Variants in SPAG6 observed in about 807,000 individuals in gnomAD.
SPAG6 encodes the protein sperm-associated antigen 6.
SPAG6 carries 49 observed loss-of-function variants against 58.5 expected under a neutral mutation model. The ratio of observed to expected loss-of-function variants is 0.84; its 90% CI spans 0.67 to 1.06. The LOEUF (loss-of-function observed/expected upper bound fraction) is 1.06. SPAG6 is among the 50% of genes least tolerant of loss of function. The pLI, the probability that SPAG6 is intolerant of heterozygous loss-of-function variation, is 0.00. For missense variants in SPAG6, 560 were observed against 611.3 expected, an observed-to-expected ratio of 0.92 and a Z score of 0.89; for synonymous variants, 233 against 225.6, an observed-to-expected ratio of 1.03 and a Z score of -0.29.
rs1214428561 is a variant in SPAG6, at chr10:22,391,867, G to A, written c.1144G>A (p.Val382Ile). The stretch of plus-strand genomic sequence containing the variant: ...TGTTGCAGTCACAAATACTTTGCCA[G>A]TTCTGCTTTCTTTGTACATGTCAAC... ...RAVAVTNTLP[V>I]LLSLYMSTES... Residue 382 changes from valine (V) to isoleucine (I), a missense_variant, in exon 8 of 11, where the codon GTT becomes ATT. Physicochemically the swap from Val to Ile is conservative, Grantham distance 29. Coordinates refer to ENST00000376624, the MANE Select transcript of SPAG6 (RefSeq NM_012443.4). 6.2e-7 allele frequency: 1 copy of A among 1,613,464 alleles called. No individual in the cohort carries two copies. Among genetic ancestry groups the A allele is most frequent in the African/African-American group, 1.3e-5 (1 of 74,986 alleles).
At chr10:22,391,322 T>C (rs1655695484) in intron 7 of SPAG6, among the ~76,000 whole-genome samples, 1 of 152,244 alleles carries the variant, frequency 6.6e-6, no homozygotes, top group Admixed American at 6.5e-5. Flanking sequence ...AGGTTTATTA[T>C]ATTTGGTGAA....
chr10:22,364,348 A>G (rs1837132426), intron 2 of SPAG6, among the ~76,000 whole-genome samples: 1 of 152,228 alleles, frequency 6.6e-6, no homozygotes, highest in Non-Finnish European at 1.5e-5. Context: ...TGTGGTGATG[A>G]TGATGATATA....
intron 8 of SPAG6, among the ~76,000 whole-genome samples, chr10:22,400,511 G>A (rs1834386960): frequency 6.6e-6 from 1 of 151,868 alleles, no homozygotes; most frequent in Non-Finnish European, 1.5e-5. Flanking sequence ...GAGTGCAGGA[G>A]GGGGTAGAAA....
rs748911844 is a variant in SPAG6, at chr10:22,411,174, G to T, written c.1458G>T (p.Val486=). The change falls in exon 10 of 11, where the codon GTG becomes GTT. Residue 486 remains valine, a splice_region_variant and synonymous_variant. Transcript: ENST00000376624. The stretch of plus-strand genomic sequence containing the variant: ...ACAGTTGTTACCCCGAGGAAATAGT[G>T]AGGTGGGGAAAATGGACTTTGAAAC... ...SINSCYPEEI[V]RYYSPGYSDT... is the part of the protein sequence containing the mutation. The T allele has an allele frequency of 3.7e-6, 6 of 1,603,686 alleles. No individual in the cohort carries two copies. The highest frequency in any genetic ancestry group is 1.3e-5 in the African/African-American group (1 of 74,414).
intron 3 of SPAG6, among the ~76,000 whole-genome samples, chr10:22,368,248 C>A (rs1195478526): frequency 6.6e-6 from 1 of 152,116 alleles, no homozygotes; most frequent in Non-Finnish European, 1.5e-5. Flanking sequence ...CAAATGCAGG[C>A]TTCAGGGTAA....
chr10:22,349,868 T>C (rs1836669420), intron 2 of SPAG6, among the ~76,000 whole-genome samples: 1 of 152,150 alleles, frequency 6.6e-6, no homozygotes, highest in South Asian at 2.1e-4. Context: ...AAAGTGATTT[T>C]AGATTACATG....
intron 4 of SPAG6, among the ~76,000 whole-genome samples, chr10:22,383,873 G>A (rs1325930426): frequency 6.6e-6 from 1 of 152,112 alleles, no homozygotes; most frequent in East Asian, 1.9e-4. Flanking sequence ...AGCCAAGTGT[G>A]CAGCACATAG....
intron 2 of SPAG6, chr10:22,346,172 A>G: frequency 8.7e-7 from 1 of 1,150,244 alleles, no homozygotes; most frequent in Non-Finnish European, 1.1e-6. Context: ...GCCTTTGATC[A>G]CCTTCGACTT....
In SPAG6 at chr10:22,346,482, T is replaced by TTCTTCTTCC. The variant is rs1836547949; in HGVS notation, c.121+672_121+673insCTCTTCTTC. On this transcript the variant is annotated intron_variant, in intron 2 of 10. Transcript: ENST00000376624. The stretch of plus-strand genomic sequence containing the variant: ...CTTCTTCTTCTTCTTCTTCTTCTTC[T>TTCTTCTTCC]TCTTCTTCTTCTTCTTTCTTCTTCT... Among the ~76,000 whole-genome samples, 5 of 139,880 alleles carry TTCTTCTTCC rather than the reference T, an allele frequency of 3.6e-5. No homozygotes were observed. In the East Asian group the frequency reaches 9.8e-4, roughly 28 times the overall value. 91.8% of individuals were successfully genotyped at this position (139,880 alleles called of 152,430 possible).
chr10:22,348,081 C>T (rs899319205), intron 2 of SPAG6, among the ~76,000 whole-genome samples: 1 of 152,114 alleles, frequency 6.6e-6, no homozygotes, highest in Non-Finnish European at 1.5e-5. Context: ...ACCTCCGCCT[C>T]CCAGGTTCAA....
At chr10:22,378,909 CTTATTTGACTCACTTGA>C (rs1156634416) in intron 4 of SPAG6, among the ~76,000 whole-genome samples, 13 of 152,286 alleles carry the variant, frequency 8.5e-5, no homozygotes. Flanking sequence ...AGATCAATGG[CTTATTTGACTCACTTGA>C]CTTTTTAAAG....
intron 2 of SPAG6, among the ~76,000 whole-genome samples, chr10:22,355,484 A>T (rs1477866065): frequency 6.6e-6 from 1 of 152,242 alleles, no homozygotes; most frequent in African/African-American, 2.4e-5. Flanking sequence ...CTTGGAAGAT[A>T]CTATAGCTAA....
intron 4 of SPAG6, among the ~76,000 whole-genome samples, chr10:22,370,238 A>G (rs890209492): frequency 6.6e-6 from 1 of 152,160 alleles, no homozygotes; most frequent in Admixed American, 6.5e-5. Flanking sequence ...TTTTTTCTTC[A>G]TGTTCCAGAT....
intron 4 of SPAG6, among the ~76,000 whole-genome samples, chr10:22,369,905 G>A (rs1031403302): frequency 6.6e-6 from 1 of 152,128 alleles, no homozygotes; most frequent in African/African-American, 2.4e-5. Context: ...CCCTAAAAAA[G>A]CCTGCTTTGA....
intron 8 of SPAG6, among the ~76,000 whole-genome samples, chr10:22,394,221 A>C (rs1195010534): frequency 6.6e-6 from 1 of 152,128 alleles, no homozygotes; most frequent in African/African-American, 2.4e-5. Context: ...GTTATTCCAA[A>C]TCTCTTAATA....
chr10:22,410,442 T>G (rs1397679443), intron 9 of SPAG6, among the ~76,000 whole-genome samples: 1 of 152,164 alleles, frequency 6.6e-6, no homozygotes, highest in Non-Finnish European at 1.5e-5. Context: ...CAACTCATCC[T>G]GGGATAAGGG....
chr10:22,409,890 A>T (rs1046783086), intron 9 of SPAG6, among the ~76,000 whole-genome samples: 2 of 152,038 alleles, frequency 1.3e-5, no homozygotes, highest in African/African-American at 4.8e-5. Flanking sequence ...AACCTGCAAC[A>T]TCTTTAGCCT....
At chr10:22,391,637 C>G in intron 7 of SPAG6, 92 bp from the exon 8 acceptor site, 1 of 1,151,446 alleles carries the variant, frequency 8.7e-7, no homozygotes, top group Non-Finnish European at 1.2e-6. Flanking sequence ...GGATCAAGGC[C>G]GAAGTGATTT....
chr10:22,386,860 T>C lies in SPAG6; in HGVS notation c.579T>C (p.Asp193=). The C allele has an allele frequency of 6.2e-7, 1 of 1,613,812 alleles. No homozygotes were observed. The highest frequency in any genetic ancestry group is 1.3e-5 in the African/African-American group (1 of 75,042). The change falls in exon 5 of 11, where the codon GAT becomes GAC. Residue 193 remains aspartate (D), a synonymous_variant. Transcript: ENST00000376624. ...LKRIAASALS[D]IAKHSPELAQ... ...GGATTGCTGCTTCGGCCCTCAGTGA[T>C]ATTGCAAAGCATTCTCCAGAGTTAG...
Sources: gnomAD v4.1 joint callset for allele counts (sites outside exome capture counted in the v4.1 genomes callset) on GRCh38, gnomAD v4.1.1 for gene constraint, MANE v1.5 for transcripts, NCBI Gene and HGNC (gene_info 2026-07-23, HGNC 2026-07-21) for gene names.